Variants in GAS7 observed in about 807,000 individuals in gnomAD.
GAS7 encodes the protein growth arrest specific 7, also known as growth arrest-specific protein 7.
A neutral mutation model predicts 71.1 loss-of-function variants in GAS7; 28 were observed. The ratio of observed to expected loss-of-function variants is 0.39; its 90% CI spans 0.29 to 0.54. The LOEUF (loss-of-function observed/expected upper bound fraction) is 0.54, where lower values mean the gene tolerates loss of function less well. Ranked by LOEUF, GAS7 falls within the 20% of genes least tolerant of loss-of-function variation. The pLI is 0.62. For missense variants in GAS7, 436 were observed against 627.8 expected (o/e 0.69, Z 3.27); for synonymous variants, 258 against 245.8 (o/e 1.05, Z -0.46).
intron 2 of GAS7, among the ~76,000 whole-genome samples, chr17:9,999,405 T>C (rs1371744329): frequency 1.3e-5 from 2 of 151,834 alleles, no homozygotes; most frequent in Admixed American, 1.3e-4. Flanking sequence ...GTAATCCCAC[T>C]TACTTGGGAG....
At chr17:10,048,366 AG>A (rs1229273896) in intron 1 of GAS7, among the ~76,000 whole-genome samples, 2 of 152,206 alleles carry the variant, frequency 1.3e-5, no homozygotes, top group African/African-American at 4.8e-5. Context: ...AAAAAGAGAA[AG>A]GGTTACCCAG....
At chr17:10,094,094 T>C (rs545407774) in intron 1 of GAS7, among the ~76,000 whole-genome samples, 109 of 152,340 alleles carry the variant, frequency 7.2e-4, no homozygotes, top group African/African-American at 2.5e-3. Flanking sequence ...GCAGCTGCCA[T>C]GAACCTAAGG....
chr17:9,998,428 C>A (rs1377483860), intron 2 of GAS7, among the ~76,000 whole-genome samples: 1 of 152,148 alleles, frequency 6.6e-6, no homozygotes, highest in Admixed American at 6.5e-5. Flanking sequence ...TGAGTGGCCA[C>A]TTCTGCCAAA....
At chr17:9,932,086 G>C (rs545197252) in intron 9 of GAS7, among the ~76,000 whole-genome samples, 1 of 152,052 alleles carries the variant, frequency 6.6e-6, no homozygotes, top group African/African-American at 2.4e-5. Flanking sequence ...GAGACTCAGC[G>C]TTTAGGCACT....
chr17:9,980,361 C>T (rs1048743932), intron 3 of GAS7, among the ~76,000 whole-genome samples: 2 of 152,232 alleles, frequency 1.3e-5, no homozygotes, highest in African/African-American at 2.4e-5. Flanking sequence ...CTCCCTCTTC[C>T]GATCCAGTAT....
rs565841620 is a variant in GAS7 at position 10,073,011 on chromosome 17, C to A, written c.184-53114G>T. Among the ~76,000 whole-genome samples the A allele has an allele frequency of 3.8e-3, 572 of 152,212 alleles. 2 individuals carry two copies. Among genetic ancestry groups the A allele is most frequent in the African/African-American group, 0.013 (520 of 41,506 alleles). The stretch of plus-strand genomic sequence containing the variant: ...TATGTCTAACCCAGGGCAGGTGGCA[C>A]GATGGAAATAGAAAAGGTGGCCCTC... On this transcript the variant is annotated intron_variant, in intron 1 of 13. Transcript: ENST00000432992.
intron 1 of GAS7, chr17:10,036,431 T>C (rs773164681): frequency 2.5e-5 from 40 of 1,609,750 alleles, no homozygotes; most frequent in Non-Finnish European, 3.3e-5. Flanking sequence ...AATCAATTCT[T>C]ACCATCAGAG....
intron 1 of GAS7, among the ~76,000 whole-genome samples, chr17:10,127,063 G>C (rs948040868): frequency 2.6e-5 from 4 of 152,180 alleles, no homozygotes; most frequent in African/African-American, 9.7e-5. Flanking sequence ...GTTTGTTGTT[G>C]TTGTTAGTTT....
chr17:10,007,389 G>T (rs1457633799), intron 2 of GAS7, among the ~76,000 whole-genome samples: 1 of 152,106 alleles, frequency 6.6e-6, no homozygotes. Context: ...CTTTGAGAGG[G>T]TGAGGCTGGT....
In GAS7 at chr17:9,949,164, G is replaced by A. The variant is rs546768998; in HGVS notation, c.526-2181C>T. Among the ~76,000 whole-genome samples the A allele has an allele frequency of 3.4e-5, 5 of 147,574 alleles. No individual in the cohort carries two copies. The South Asian group carries it at 8.3e-4, about 25-fold the overall frequency. ...CAGGGGTCAGAGGCTGCAGAGATGC[G>A]TCCAAGGGGCAGATCCTGCTCAGCT... On this transcript the variant is annotated intron_variant, in intron 5 of 13. Transcript: ENST00000432992.
chr17:9,919,182 T>TC lies in GAS7; in HGVS notation c.1218+443dup, dbSNP rs61172523. Among the ~76,000 whole-genome samples, 90,019 of 151,898 alleles carry TC rather than the reference T, an allele frequency of 0.59. 28,421 individuals are homozygous for TC. The highest frequency in any genetic ancestry group is 0.7 in the Non-Finnish European group (47,417 of 67,922). ...TGTTGTTCACCCTTGGTGAGAGGCCTCCCCCACCCCACTGCCTAGCTCCAT... is the reference window on the plus strand; with the variant it reads ...TGTTGTTCACCCTTGGTGAGAGGCCTCCCCCCACCCCACTGCCTAGCTCCAT... On this transcript the variant is annotated intron_variant, in intron 12 of 13. Transcript: ENST00000432992. The surrounding 1 kb of genome is among the most constrained non-coding windows in gnomAD (Gnocchi z 5.0).
At chr17:10,118,782 G>A (rs985973873) in intron 1 of GAS7, among the ~76,000 whole-genome samples, 1 of 150,632 alleles carries the variant, frequency 6.6e-6, no homozygotes, top group Non-Finnish European at 1.5e-5. Flanking sequence ...CCTACCCCCG[G>A]GGCCCAGTTA....
chr17:10,012,253 A>G (rs9902678), intron 2 of GAS7, among the ~76,000 whole-genome samples: 52,534 of 152,060 alleles, frequency 0.35, 11,583 homozygotes, highest in African/African-American at 0.64. Flanking sequence ...TATTAAGTGA[A>G]GAAGCATGCA....
intron 1 of GAS7, among the ~76,000 whole-genome samples, chr17:10,028,890 C>T (rs961797720): frequency 4.6e-5 from 7 of 152,090 alleles, no homozygotes; most frequent in Non-Finnish European, 2.9e-5. Context: ...AAAATGCAAA[C>T]GTGAGGACAG....
intron 5 of GAS7, among the ~76,000 whole-genome samples, chr17:9,948,302 G>A (rs547238517): frequency 6.6e-6 from 1 of 152,366 alleles, no homozygotes; most frequent in East Asian, 1.9e-4. Context: ...CCAAGGAAAG[G>A]AACTGTGTGG....
chr17:10,124,353 C>T (rs2073928269), intron 1 of GAS7, among the ~76,000 whole-genome samples: 1 of 149,454 alleles, frequency 6.7e-6, no homozygotes, highest in South Asian at 2.2e-4. Flanking sequence ...CCCAATGGGA[C>T]GGGCTCCTAA....
chr17:9,965,562 C>T (rs1047808666), intron 4 of GAS7, among the ~76,000 whole-genome samples: 10 of 152,110 alleles, frequency 6.6e-5, no homozygotes, highest in Admixed American at 2.0e-4. Flanking sequence ...ACCTACTGCA[C>T]GCAGGGCTTA....
intron 1 of GAS7, among the ~76,000 whole-genome samples, chr17:10,138,244 C>T (rs529002075): frequency 3.3e-5 from 5 of 152,148 alleles, no homozygotes; most frequent in Admixed American, 6.5e-5. Flanking sequence ...GGATTACAGG[C>T]GTGAGCCACC....
chr17:10,032,470 G>T (rs753779570), intron 1 of GAS7, among the ~76,000 whole-genome samples: 5 of 152,186 alleles, frequency 3.3e-5, no homozygotes, highest in African/African-American at 7.2e-5. Flanking sequence ...GCATAAAGAG[G>T]TGCTGTGTTC....
Sources: gnomAD v4.1 joint callset for allele counts (sites outside exome capture counted in the v4.1 genomes callset) on GRCh38, gnomAD v4.1.1 for gene constraint, Gnocchi (gnomAD v3.1) non-coding constraint, MANE v1.5 for transcripts, NCBI Gene and HGNC (gene_info 2026-07-23, HGNC 2026-07-21) for gene names.